Variants in NYAP2 observed in about 807,000 individuals in gnomAD.
The protein encoded by NYAP2 is neuronal tyrosine-phosphorylated phosphoinositide-3-kinase adapter 2.
Under a neutral mutation model 50.4 loss-of-function variants are expected in NYAP2, and 23 were observed. The ratio of observed to expected loss-of-function variants is 0.46; its 90% CI spans 0.33 to 0.65. The LOEUF (loss-of-function observed/expected upper bound fraction) is 0.65, where lower values mean the gene tolerates loss of function less well. Among genes scored for constraint, NYAP2 ranks in the 30% least tolerant of loss-of-function variants. The pLI is 0.02. For synonymous variants in NYAP2, 394 were observed against 365.2 expected (o/e 1.08, Z -0.90); for missense variants, 885 against 861.0 (o/e 1.03, Z -0.35).
rs1046262889 is a variant in NYAP2 at position 225,642,046 on chromosome 2, C to T, written c.1829-9386C>T. ...TTATCATGTTACTCAGGGAACTATA[C>T]TGAGAAAAGAGACAGACATGGTTCC... is the stretch of plus-strand genomic sequence containing the variant. On this transcript the variant is annotated intron_variant, in intron 6 of 6. Coordinates refer to ENST00000636099, the Ensembl canonical transcript of NYAP2. 2.8e-5 allele frequency among the ~76,000 whole-genome samples: 4 copies of T among 145,102 alleles called. 1 individual carries two copies. The highest frequency in any genetic ancestry group is 1.1e-4 in the African/African-American group (4 of 37,590).
chr2:225,541,563 T>C (rs768962461), intron 4 of NYAP2, among the ~76,000 whole-genome samples: 1 of 152,174 alleles, frequency 6.6e-6, no homozygotes, highest in South Asian at 2.1e-4. Flanking sequence ...TTCCCAAATG[T>C]ATGTTCTTGG....
At chr2:225,666,661 G>A in the NYAP2 span, among the ~76,000 whole-genome samples, 1 of 152,126 alleles carries the variant, frequency 6.6e-6, no homozygotes, top group Non-Finnish European at 1.5e-5. Flanking sequence ...AAAAGATTGT[G>A]GAGACCAAGG....
chr2:225,575,610 C>G (rs141679988), intron 4 of NYAP2, among the ~76,000 whole-genome samples: 5 of 152,180 alleles, frequency 3.3e-5, no homozygotes, highest in African/African-American at 1.2e-4. Context: ...ATAGCTTGAG[C>G]TTCCTTACAG....
intron 4 of NYAP2, among the ~76,000 whole-genome samples, chr2:225,578,447 A>G (rs1302495253): frequency 6.6e-6 from 1 of 152,204 alleles, no homozygotes; most frequent in Non-Finnish European, 1.5e-5. Context: ...AGTGTGATGC[A>G]GGGAGTAAGT....
intron 5 of NYAP2, among the ~76,000 whole-genome samples, chr2:225,604,696 C>T (rs1451836633): frequency 3.9e-5 from 6 of 152,072 alleles, no homozygotes; most frequent in Admixed American, 6.6e-5. Context: ...CAATATCTCT[C>T]CTCCATATTT....
At chr2:225,584,480 C>T (rs937863257) in intron 5 of NYAP2, among the ~76,000 whole-genome samples, 6 of 152,192 alleles carry the variant, frequency 3.9e-5, no homozygotes, top group African/African-American at 1.4e-4. Flanking sequence ...ACATTTCTTT[C>T]TCTTATTTAA....
chr2:225,534,302 G>A (rs1414272023), intron 4 of NYAP2, among the ~76,000 whole-genome samples: 2 of 152,222 alleles, frequency 1.3e-5, no homozygotes, highest in East Asian at 1.9e-4. Context: ...TTGGCAACAA[G>A]TTAAATTCCC....
intron 5 of NYAP2, among the ~76,000 whole-genome samples, chr2:225,611,901 TACACACACAC>T (rs147331159): frequency 0.014 from 2,095 of 145,600 alleles, 34 homozygotes; most frequent in African/African-American, 0.037. Flanking sequence ...TGTGTGTGTA[TACACACACAC>T]ACACACACAC....
intron 3 of NYAP2, among the ~76,000 whole-genome samples, chr2:225,510,545 CAATCTTCAATTTGTTTTGGGCTAAT>C (rs1690792605): frequency 6.6e-6 from 1 of 152,214 alleles, no homozygotes; most frequent in African/African-American, 2.4e-5. Context: ...CTGCATTTCA[CAATCTTCAATTTGTTTTGGGCTAAT>C]AACCTTTCTG....
At chr2:225,449,929 A>C (rs1449824348) in intron 3 of NYAP2, among the ~76,000 whole-genome samples, 1 of 152,012 alleles carries the variant, frequency 6.6e-6, no homozygotes. Flanking sequence ...TAAGCCATAC[A>C]CGAGATAGCT....
intron 3 of NYAP2, among the ~76,000 whole-genome samples, chr2:225,462,077 TATCTC>T (rs1334098256): frequency 6.6e-6 from 1 of 152,236 alleles, no homozygotes; most frequent in Non-Finnish European, 1.5e-5. Context: ...AAAGAAATAA[TATCTC>T]ATCAAATAAA....
chr2:225,553,004 T>C (rs1691706161), intron 4 of NYAP2, among the ~76,000 whole-genome samples: 1 of 152,172 alleles, frequency 6.6e-6, no homozygotes, highest in Admixed American at 6.5e-5. Flanking sequence ...TTTGTTTTTA[T>C]CAGCCACCAA....
intron 3 of NYAP2, among the ~76,000 whole-genome samples, chr2:225,445,195 A>G (rs1383099288): frequency 1.3e-5 from 2 of 152,146 alleles, no homozygotes; most frequent in African/African-American, 4.8e-5. Context: ...TATTTTCTGT[A>G]TATAAGTTTA....
chr2:225,588,706 G>T (rs1302006552), intron 5 of NYAP2, among the ~76,000 whole-genome samples: 2 of 152,120 alleles, frequency 1.3e-5, no homozygotes. Context: ...ACTAATGTAC[G>T]CTGGCTGTCT....
intron 3 of NYAP2, among the ~76,000 whole-genome samples, chr2:225,409,843 C>G (rs1157185221): frequency 6.6e-6 from 1 of 152,030 alleles, no homozygotes; most frequent in Non-Finnish European, 1.5e-5. Context: ...CAGAGAGAGA[C>G]ACCTGTGTCA....
At chr2:225,620,872 T>A (rs1202201056) in intron 5 of NYAP2, among the ~76,000 whole-genome samples, 1 of 152,112 alleles carries the variant, frequency 6.6e-6, no homozygotes, top group African/African-American at 2.4e-5. Flanking sequence ...TCCCAGCACT[T>A]TGGGAGGCCA....
At chr2:225,480,241 T>C (rs1690182927) in intron 3 of NYAP2, among the ~76,000 whole-genome samples, 1 of 152,076 alleles carries the variant, frequency 6.6e-6, no homozygotes, top group Non-Finnish European at 1.5e-5. Flanking sequence ...CAGGTGTTAT[T>C]GGGAAGAGTG....
downstream of NYAP2, among the ~76,000 whole-genome samples, chr2:225,656,882 C>T (rs569947437): frequency 6.6e-5 from 10 of 152,124 alleles, no homozygotes; most frequent in East Asian, 1.9e-3. Flanking sequence ...TCTGTATATG[C>T]GCTTCAAAAA....
intron 4 of NYAP2, among the ~76,000 whole-genome samples, chr2:225,566,192 A>T (rs939729314): frequency 6.6e-6 from 1 of 152,196 alleles, no homozygotes; most frequent in Non-Finnish European, 1.5e-5. Context: ...GGCTATTATT[A>T]TGCATTATTA....
Sources: allele counts gnomAD v4.1 joint callset (sites outside exome capture counted in the v4.1 genomes callset), GRCh38; gene constraint gnomAD v4.1.1; transcripts MANE v1.5; gene names NCBI Gene and HGNC (gene_info 2026-07-23, HGNC 2026-07-21).